The following FILIP1 variants were observed in gnomAD, a reference collection of about 807,000 sequenced individuals.
FILIP1 encodes filamin A interacting protein 1.
In FILIP1, 61 loss-of-function variants were observed where a neutral mutation model predicts 102.1. That is an observed-to-expected ratio of 0.60 (90% CI 0.49 to 0.74). FILIP1 has a LOEUF of 0.74. Ranked by LOEUF, FILIP1 falls within the 30% of genes least tolerant of loss-of-function variation. The pLI is 0.00. For missense variants in FILIP1, 1,314 were observed against 1,441.2 expected (o/e 0.91, Z 1.43); for synonymous variants, 491 against 526.9 (o/e 0.93, Z 0.93).
At chr6:75,360,449 G>GT (rs1407546601) in intron 3 of FILIP1, among the ~76,000 whole-genome samples, 1 of 151,890 alleles carries the variant, frequency 6.6e-6, no homozygotes, top group African/African-American at 2.4e-5. Flanking sequence ...GTGAGTCCAG[G>GT]TTTTTTTTAC....
intron 1 of FILIP1, among the ~76,000 whole-genome samples, chr6:75,492,287 A>G (rs1779984579): frequency 6.6e-6 from 1 of 152,194 alleles, no homozygotes; most frequent in Admixed American, 6.6e-5. Context: ...AGGTTGATAC[A>G]TTCTTATTTG....
At chr6:75,303,640 C>T (rs1014600721), downstream of FILIP1, among the ~76,000 whole-genome samples, 19 of 152,194 alleles carry the variant, frequency 1.2e-4, no homozygotes, top group African/African-American at 4.3e-4. Context: ...ATACCTTGAG[C>T]TGTGAGATTC....
At chr6:75,352,262 C>A (rs1250486288) in intron 4 of FILIP1, among the ~76,000 whole-genome samples, 1 of 152,082 alleles carries the variant, frequency 6.6e-6, no homozygotes, top group Non-Finnish European at 1.5e-5. Context: ...TAAATCTGTT[C>A]CCTAGTGGTT....
At chr6:75,418,761 C>T (rs752206654) in intron 1 of FILIP1, among the ~76,000 whole-genome samples, 5 of 152,190 alleles carry the variant, frequency 3.3e-5, no homozygotes, top group Non-Finnish European at 5.9e-5. Context: ...ATTCAAATCA[C>T]GTTTTATAAC....
chr6:75,446,775 C>T (rs1204871996), intron 1 of FILIP1, among the ~76,000 whole-genome samples: 1 of 152,128 alleles, frequency 6.6e-6, no homozygotes, highest in Non-Finnish European at 1.5e-5. Flanking sequence ...CCAAGGATGA[C>T]GTTCTCCAGC....
At chr6:75,405,608 C>A (rs1031414249) in intron 2 of FILIP1, among the ~76,000 whole-genome samples, 1 of 152,130 alleles carries the variant, frequency 6.6e-6, no homozygotes, top group African/African-American at 2.4e-5. Context: ...GAAGGGTGTG[C>A]CCTTACAGAT....
At chr6:75,318,252 T>TA (rs1773512391) in intron 4 of FILIP1, among the ~76,000 whole-genome samples, 1 of 144,950 alleles carries the variant, frequency 6.9e-6, no homozygotes, top group Non-Finnish European at 1.5e-5. Context: ...TTTTTTTTTT[T>TA]AGAGACGAGA....
intron 1 of FILIP1, among the ~76,000 whole-genome samples, chr6:75,439,019 T>C (rs1778115491): frequency 6.6e-6 from 1 of 152,226 alleles, no homozygotes; most frequent in Non-Finnish European, 1.5e-5. Flanking sequence ...GCCAATATTA[T>C]ACTCTCCCCA....
At chr6:75,488,159 C>T (rs981508607) in intron 1 of FILIP1, among the ~76,000 whole-genome samples, 1 of 152,116 alleles carries the variant, frequency 6.6e-6, no homozygotes, top group Non-Finnish European at 1.5e-5. Flanking sequence ...CTCAGTGTTG[C>T]TGTGGCTTAA....
intron 1 of FILIP1, among the ~76,000 whole-genome samples, chr6:75,441,633 G>C (rs554279904): frequency 1.3e-5 from 2 of 148,306 alleles, no homozygotes; most frequent in African/African-American, 2.6e-5. Flanking sequence ...CCTCCCTCCC[G>C]GACGGGGCGG....
intron 1 of FILIP1, among the ~76,000 whole-genome samples, chr6:75,439,362 G>A (rs1408134585): frequency 2.4e-5 from 2 of 81,696 alleles, no homozygotes; most frequent in African/African-American, 7.6e-5. Flanking sequence ...GCGAGACTCC[G>A]TCCAAAAAAA....
At chr6:75,427,083 G>T (rs892165698) in intron 1 of FILIP1, among the ~76,000 whole-genome samples, 9 of 152,116 alleles carry the variant, frequency 5.9e-5, no homozygotes, top group African/African-American at 2.2e-4. Flanking sequence ...TATAAAGGAG[G>T]AGAGCTTGGG....
In FILIP1 at chr6:75,319,870, G is replaced by T; in HGVS notation, c.630-4668C>A. The T allele has an allele frequency of 8.9e-6, 4 of 447,098 alleles. No homozygotes were observed. In the South Asian group the frequency reaches 1.0e-4, roughly 12 times the overall value. 27.7% of individuals were successfully genotyped at this position (447,098 alleles called of 1,614,324 possible). A position where few individuals can be genotyped will look rare whatever the true frequency, so the allele number is the denominator to read the frequency against. The stretch of plus-strand genomic sequence containing the variant: ...AAAGAAAAGAAAACTCTGAGAAGTT[G>T]ACTGAAGCACCTGGGTGCTTCTTCT... On this transcript the variant is annotated intron_variant, in intron 4 of 5. Transcript: ENST00000237172.
At chr6:75,465,959 G>A (rs1012500990) in intron 1 of FILIP1, among the ~76,000 whole-genome samples, 9 of 151,966 alleles carry the variant, frequency 5.9e-5, no homozygotes, top group Admixed American at 3.3e-4. Flanking sequence ...CTCCAGCCAC[G>A]CCAGCCATCG....
At chr6:75,401,253 CTA>C (rs370653313) in intron 2 of FILIP1, among the ~76,000 whole-genome samples, 213 of 152,284 alleles carry the variant, frequency 1.4e-3, no homozygotes, top group African/African-American at 5.0e-3. Context: ...GCATTGAGAA[CTA>C]TGTCTTCCTG....
At chr6:75,379,827 C>G (rs747575412) in intron 2 of FILIP1, among the ~76,000 whole-genome samples, 1 of 152,178 alleles carries the variant, frequency 6.6e-6, no homozygotes, top group Non-Finnish European at 1.5e-5. Context: ...TCCTGATCTC[C>G]TATTTAAAAC....
chr6:75,398,323 C>T (rs1264379522), intron 2 of FILIP1, among the ~76,000 whole-genome samples: 1 of 152,030 alleles, frequency 6.6e-6, no homozygotes, highest in African/African-American at 2.4e-5. Context: ...ATTATGAGGT[C>T]GTTTTAAATC....
At chr6:75,306,819 C>T (rs1773001556), downstream of FILIP1, among the ~76,000 whole-genome samples, 1 of 65,910 alleles carries the variant, frequency 1.5e-5, no homozygotes, top group Non-Finnish European at 3.2e-5. Context: ...GTGGCATGAT[C>T]TTGGCTCACT....
chr6:75,294,552 G>C (rs1772620032), exon 7 of FILIP1: 1 of 152,096 alleles, frequency 6.6e-6, no homozygotes, highest in Non-Finnish European at 1.5e-5. Flanking sequence ...TGCACGTTGT[G>C]CTTTTTATCT....
Sources: allele counts gnomAD v4.1 joint callset (sites outside exome capture counted in the v4.1 genomes callset), GRCh38; gene constraint gnomAD v4.1.1; transcripts MANE v1.5; gene names NCBI Gene and HGNC (gene_info 2026-07-23, HGNC 2026-07-21).